The following ADAMTS14 variants were observed in gnomAD, a reference collection of about 807,000 sequenced individuals.
ADAMTS14 encodes A disintegrin and metalloproteinase with thrombospondin motifs 14.
In ADAMTS14, 100 loss-of-function variants were observed where a neutral mutation model predicts 128.6. The ratio of observed to expected loss-of-function variants is 0.78; its 90% CI spans 0.66 to 0.92. The LOEUF is 0.92. Ranked by LOEUF, ADAMTS14 falls within the 40% of genes least tolerant of loss-of-function variation. The pLI is 0.00. For synonymous variants in ADAMTS14, 665 were observed against 653.8 expected, an observed-to-expected ratio of 1.02 and a Z score of -0.26; for missense variants, 1,562 against 1,658.6, an observed-to-expected ratio of 0.94 and a Z score of 1.01.
intron 2 of ADAMTS14, among the ~76,000 whole-genome samples, chr10:70,695,609 C>T (rs1840311184): frequency 6.6e-6 from 1 of 152,214 alleles, no homozygotes; most frequent in East Asian, 1.9e-4. Flanking sequence ...CCTGTCCCTC[C>T]TCCTTGATTT....
intron 3 of ADAMTS14, among the ~76,000 whole-genome samples, chr10:70,707,149 A>G (rs991970582): frequency 1.3e-5 from 2 of 152,090 alleles, no homozygotes; most frequent in African/African-American, 4.8e-5. Flanking sequence ...ATATTCCTGT[A>G]TTGTTACAAT....
chr10:70,699,061 T>C (rs1840419263), intron 2 of ADAMTS14, among the ~76,000 whole-genome samples: 1 of 152,118 alleles, frequency 6.6e-6, no homozygotes. Context: ...TGAGTGTCCT[T>C]GCTCAGCAAG....
At chr10:70,709,390 A>G (rs1840766925) in intron 4 of ADAMTS14, among the ~76,000 whole-genome samples, 1 of 152,076 alleles carries the variant, frequency 6.6e-6, no homozygotes, top group Non-Finnish European at 1.5e-5. Context: ...CTCGTCACAG[A>G]AAAGCTAGTT....
intron 10 of ADAMTS14, 28 bp downstream of exon 10, chr10:70,736,821 G>C (rs1464262053): frequency 6.2e-7 from 1 of 1,601,560 alleles, no homozygotes; most frequent in Non-Finnish European, 8.5e-7. Context: ...AGCAGGAGTG[G>C]CCTTCCTGGG....
At chr10:70,719,164 A>G (rs146987464) in intron 4 of ADAMTS14, among the ~76,000 whole-genome samples, 2,670 of 152,172 alleles carry the variant, frequency 0.018, 32 homozygotes, top group Non-Finnish European at 0.03. Context: ...ATCCACATCA[A>G]ATTGTCCACT....
Position 70,761,158 on chromosome 10 carries a change from C to A in ADAMTS14, c.*305C>A. On this transcript the variant is annotated 3_prime_UTR_variant, in exon 22 of 22. Transcript: ENST00000373207. ...TCAACTATTGCTCCCTCCTCACAGACCCTGGGCCTGGGCAGGTCTGAATCC... is the reference window on the plus strand; with the variant it reads ...TCAACTATTGCTCCCTCCTCACAGAACCTGGGCCTGGGCAGGTCTGAATCC... The A allele has an allele frequency of 3.2e-6, 1 of 313,604 alleles. No homozygotes were observed. Among genetic ancestry groups the A allele is most frequent in the Non-Finnish European group, 5.9e-6 (1 of 170,908 alleles). 19.4% of individuals were successfully genotyped at this position (313,604 alleles called of 1,614,324 possible). A position where few individuals can be genotyped will look rare whatever the true frequency, so the allele number is the denominator to read the frequency against.
chr10:70,690,584 G>A (rs527482673), intron 2 of ADAMTS14, among the ~76,000 whole-genome samples: 3 of 145,268 alleles, frequency 2.1e-5, no homozygotes, highest in African/African-American at 7.3e-5. Flanking sequence ...ATTTATGTGC[G>A]TGATCTCACG....
intron 16 of ADAMTS14, among the ~76,000 whole-genome samples, chr10:70,750,339 G>A (rs1342709197): frequency 6.6e-6 from 1 of 152,156 alleles, no homozygotes; most frequent in Non-Finnish European, 1.5e-5. Context: ...GGCTGGCAAG[G>A]GAGTCCAGGA....
chr10:70,674,449 A>G, intron 1 of ADAMTS14, 107 bp from the exon 2 acceptor site: 1 of 1,155,466 alleles, frequency 8.7e-7, no homozygotes, highest in Non-Finnish European at 1.2e-6. Flanking sequence ...GGCCCACCTA[A>G]GGGTGACACT....
chr10:70,727,355 G>A (rs532607761), intron 4 of ADAMTS14, among the ~76,000 whole-genome samples: 1 of 152,366 alleles, frequency 6.6e-6, no homozygotes, highest in Non-Finnish European at 1.5e-5. Context: ...TGGTTGCTTT[G>A]TGGGTTGTAG....
At chr10:70,686,053 G>A (rs1243640335) in intron 2 of ADAMTS14, among the ~76,000 whole-genome samples, 1 of 152,174 alleles carries the variant, frequency 6.6e-6, no homozygotes, top group Non-Finnish European at 1.5e-5. Context: ...CAAAATATTG[G>A]AGAGGGAGAG....
intron 11 of ADAMTS14, among the ~76,000 whole-genome samples, chr10:70,739,602 C>T (rs1354469527): frequency 2.0e-5 from 3 of 152,032 alleles, no homozygotes; most frequent in Non-Finnish European, 4.4e-5. Flanking sequence ...AACAGCACCA[C>T]GGGAGATGGG....
intron 2 of ADAMTS14, among the ~76,000 whole-genome samples, chr10:70,697,580 C>G (rs1589273656): frequency 6.6e-6 from 1 of 152,354 alleles, no homozygotes; most frequent in East Asian, 1.9e-4. Flanking sequence ...CATACGTACT[C>G]ATTTCAAAAC....
At chr10:70,727,524 C>A (rs992500634) in intron 4 of ADAMTS14, among the ~76,000 whole-genome samples, 3 of 152,056 alleles carry the variant, frequency 2.0e-5, no homozygotes, top group African/African-American at 7.2e-5. Context: ...ATGGCATCAC[C>A]TCCCTAACCG....
At chr10:70,730,393 GC>G (rs1366066449) in intron 6 of ADAMTS14, 144 bp downstream of exon 6, 1 of 1,182,810 alleles carries the variant, frequency 8.5e-7, no homozygotes, top group Non-Finnish European at 1.1e-6. Flanking sequence ...CCGAGGATGA[GC>G]TTTGCAATGG....
At chr10:70,758,721 G>A (rs926212387) in intron 21 of ADAMTS14, among the ~76,000 whole-genome samples, 11 of 152,142 alleles carry the variant, frequency 7.2e-5, no homozygotes, top group African/African-American at 2.4e-4. Flanking sequence ...GTAGATATGA[G>A]CTGCCTTCAT....
chr10:70,756,870 G>A (rs1390871453), intron 19 of ADAMTS14, among the ~76,000 whole-genome samples: 1 of 152,176 alleles, frequency 6.6e-6, no homozygotes, highest in Admixed American at 6.5e-5. Context: ...ATTTAGTTGG[G>A]TGTGACAAGT....
At chr10:70,756,231 G>T (rs1457006517) in intron 19 of ADAMTS14, among the ~76,000 whole-genome samples, 2 of 152,200 alleles carry the variant, frequency 1.3e-5, no homozygotes, top group Non-Finnish European at 2.9e-5. Context: ...AAGGCTGGTG[G>T]TGGCATCTGG....
chr10:70,675,916 G>C lies in ADAMTS14; in HGVS notation c.522+921G>C, dbSNP rs201494796. ...TTGCTCCTCTGCCCTTCAGCTTTGA[G>C]AGCGAGAAAATTTGAGATGGGGAGG... is the stretch of plus-strand genomic sequence containing the variant. On this transcript the variant is annotated intron_variant, in intron 2 of 21. Transcript: ENST00000373207. 5.3e-5 allele frequency among the ~76,000 whole-genome samples: 8 copies of C among 152,298 alleles called. No individual in the cohort carries two copies. The East Asian group carries it at 1.5e-3, about 29-fold the overall frequency.
Sources: allele counts gnomAD v4.1 joint callset (sites outside exome capture counted in the v4.1 genomes callset), GRCh38; gene constraint gnomAD v4.1.1; transcripts MANE v1.5; gene names NCBI Gene and HGNC (gene_info 2026-07-23, HGNC 2026-07-21).